ARAP1: variants seen among roughly 807,000 people sequenced by gnomAD.
ARAP1 encodes the protein arf-GAP with Rho-GAP domain, ANK repeat and PH domain-containing protein 1.
A neutral mutation model predicts 172.2 loss-of-function variants in ARAP1; 76 were observed. The observed-to-expected ratio is 0.44, with a 90% CI of 0.37 to 0.53. The LOEUF is 0.53. Among genes scored for constraint, ARAP1 ranks in the 20% least tolerant of loss-of-function variants. ARAP1 has a pLI of 0.00. For synonymous variants in ARAP1, 804 were observed against 803.3 expected (o/e 1.00, Z -0.01); for missense variants, 1,686 against 1,977.5 (o/e 0.85, Z 2.80).
intron 14 of ARAP1, 69 bp from the exon 15 acceptor site, chr11:72,703,148 G>A: frequency 7.1e-7 from 1 of 1,416,808 alleles, no homozygotes; most frequent in South Asian, 1.5e-5. Context: ...GGCTACGGGG[G>A]AGGAGAGGAA....
rs769919162 is a variant in ARAP1 at position 72,693,777 on chromosome 11, C to T, written c.3723G>A (p.Val1241=). Residue 1241 remains valine (V), a synonymous_variant, in exon 28 of 35, where the codon GTG becomes GTA. Coordinates refer to ENST00000393609, the MANE Select transcript of ARAP1 (RefSeq NM_001040118.3). The surrounding 1 kb of genome is among the most constrained non-coding windows in gnomAD (Gnocchi z 4.6). ...AERPLHFAEK[V]LPILHGLGTD... ...TGCCCAGCCCGTGCAGGATGGGCAGCACCTTCTCCGCAAAGTGCAGGGGGC... is the reference window on the plus strand; with the variant it reads ...TGCCCAGCCCGTGCAGGATGGGCAGTACCTTCTCCGCAAAGTGCAGGGGGC... The T allele has an allele frequency of 6.2e-7, 1 of 1,608,218 alleles. No homozygotes were observed. The highest frequency in any genetic ancestry group is 1.3e-5 in the African/African-American group (1 of 74,776).
In ARAP1 at chr11:72,697,935, G is replaced by T. The variant is rs1245416754; in HGVS notation, c.2713C>A (p.Gln905Lys). The change falls in exon 19 of 35, where the codon CAA becomes AAA. Residue 905 changes from glutamine (Q) to lysine (K), a missense_variant. Coordinates refer to ENST00000393609, the MANE Select transcript of ARAP1 (RefSeq NM_001040118.3). ...CAAAGCTCCTGCAGTTTCCGTAGTT[G>T]CAGCGGCTCTTCGCAGGGCCCCTCC... is the stretch of plus-strand genomic sequence containing the variant. ...FPEGPCEEPL[Q>K]LRKLQELSIQ... 6.2e-7 allele frequency: 1 copy of T among 1,607,416 alleles called. No individual in the cohort carries two copies. Among genetic ancestry groups the T allele is most frequent in the Non-Finnish European group, 8.5e-7 (1 of 1,176,568 alleles).
chr11:72,719,839 C>T (rs1857435589), intron 3 of ARAP1, among the ~76,000 whole-genome samples: 1 of 152,100 alleles, frequency 6.6e-6, no homozygotes, highest in Admixed American at 6.5e-5. Flanking sequence ...TACTTACAGG[C>T]CTTTAATACT....
chr11:72,690,235 A>G (rs183089998), intron 30 of ARAP1, among the ~76,000 whole-genome samples: 2 of 152,238 alleles, frequency 1.3e-5, no homozygotes, highest in Admixed American at 6.5e-5. Flanking sequence ...CGCAGAGGCA[A>G]CTGCAGGAAT....
rs1856383672 is a variant in ARAP1 at position 72,699,607 on chromosome 11, C to T, written c.2303-55G>A. 1.3e-6 allele frequency: 2 copies of T among 1,577,028 alleles called. No individual in the cohort carries two copies. The highest frequency in any genetic ancestry group is 4.7e-5 in the East Asian group (2 of 42,714). ...AGGGAGCCCCCCACCACCTGAAAACCACCTCTGCATCCTCCCGGGGCTCCT... is the reference window on the plus strand; with the variant it reads ...AGGGAGCCCCCCACCACCTGAAAACTACCTCTGCATCCTCCCGGGGCTCCT... On this transcript the variant is annotated intron_variant, in intron 16 of 34. Coordinates refer to ENST00000393609, the MANE Select transcript of ARAP1 (RefSeq NM_001040118.3). This position sits in a 1 kb window ranked among gnomAD's most constrained non-coding sequence, Gnocchi z 4.2.
At chr11:72,745,836 T>A (rs1453826457) in intron 1 of ARAP1, among the ~76,000 whole-genome samples, 2 of 152,154 alleles carry the variant, frequency 1.3e-5, no homozygotes, top group Non-Finnish European at 2.9e-5. Context: ...TGGGTTGTGC[T>A]TCTCTGAGGG....
In ARAP1 at chr11:72,699,297, C is replaced by A. The variant is rs138983684; in HGVS notation, c.2438+120G>T. 1.6e-4 allele frequency: 236 copies of A among 1,498,440 alleles called. 2 individuals are homozygous for A. In the African/African-American group the frequency reaches 2.9e-3, roughly 19 times the overall value. The allele number at this position is 1,498,440 out of a possible 1,614,324, so 92.8% of individuals were successfully genotyped here. A position where few individuals can be genotyped will look rare whatever the true frequency, so the allele number is the denominator to read the frequency against. On this transcript the variant is annotated intron_variant, in intron 17 of 34. Coordinates refer to ENST00000393609, the MANE Select transcript of ARAP1 (RefSeq NM_001040118.3). The surrounding 1 kb of genome is among the most constrained non-coding windows in gnomAD (Gnocchi z 4.2). The stretch of plus-strand genomic sequence containing the variant: ...GAGACTGGAGTCGGCCCTTGTGCAG[C>A]CTCCGTTTGCTGTGTGACTCTGCGG...
intron 6 of ARAP1, 28 bp from the exon 7 acceptor site, chr11:72,712,367 C>A (rs762927914): frequency 1.7e-5 from 25 of 1,486,206 alleles, no homozygotes; most frequent in South Asian, 4.0e-5. Flanking sequence ...GATGGGGGGC[C>A]GGGCTGAGGA....
At chr11:72,748,442 C>G (rs983919636) in intron 1 of ARAP1, among the ~76,000 whole-genome samples, 11 of 152,066 alleles carry the variant, frequency 7.2e-5, no homozygotes, top group African/African-American at 2.7e-4. Flanking sequence ...ATCGCTTGAA[C>G]CCGGGAGGCG....
At chr11:72,698,860 G>T in intron 18 of ARAP1, 145 bp downstream of exon 18, 2 of 833,038 alleles carry the variant, frequency 2.4e-6, no homozygotes, top group Non-Finnish European at 4.0e-6. Flanking sequence ...GTAGGCTCTT[G>T]GTGGGACAGG....
At chr11:72,692,431 A>T (rs1184912526) in intron 30 of ARAP1, among the ~76,000 whole-genome samples, 1 of 152,236 alleles carries the variant, frequency 6.6e-6, no homozygotes, top group East Asian at 1.9e-4. Context: ...TCCAGGGATG[A>T]CAGGAGATGA....
chr11:72,716,566 C>A (rs1460938796), intron 3 of ARAP1, among the ~76,000 whole-genome samples: 1 of 152,278 alleles, frequency 6.6e-6, no homozygotes, highest in African/African-American at 2.4e-5. Flanking sequence ...CTTTGAGCTT[C>A]GCTCAGTGTG....
At chr11:72,712,044 T>C (rs1857036999) in intron 7 of ARAP1, 152 bp downstream of exon 7, 4 of 1,120,118 alleles carry the variant, frequency 3.6e-6, no homozygotes, top group Non-Finnish European at 4.8e-6. Flanking sequence ...GAATCATCAG[T>C]GGTCACAGTG....
intron 13 of ARAP1, 189 bp from the exon 14 acceptor site, chr11:72,704,523 G>A: frequency 1.6e-6 from 1 of 615,452 alleles, no homozygotes. Flanking sequence ...CCAGCACTGG[G>A]CTCTGAGCCT....
intron 27 of ARAP1, among the ~76,000 whole-genome samples, 196 bp downstream of exon 27, chr11:72,694,784 A>G (rs1856103656): frequency 6.6e-6 from 1 of 152,176 alleles, no homozygotes; most frequent in African/African-American, 2.4e-5. Context: ...ATCTTCTATC[A>G]GCCACATGAC....
intron 22 of ARAP1, 51 bp downstream of exon 22, chr11:72,696,932 C>A (rs11602233): frequency 0.54 from 834,466 of 1,551,878 alleles, 225,490 homozygotes; most frequent in Non-Finnish European, 0.56. Context: ...CGCAGGAGTC[C>A]GGAGGGATGG....
At chr11:72,728,590 A>T (rs1857768522) in intron 2 of ARAP1, among the ~76,000 whole-genome samples, 2 of 152,224 alleles carry the variant, frequency 1.3e-5, no homozygotes, top group South Asian at 4.1e-4. Context: ...CAAAACAAAA[A>T]CAAAAACAAA....
At position 72,701,721 on chromosome 11, in the gene ARAP1, C is replaced by G. The variant is rs369488062; in HGVS notation, c.2230G>C (p.Val744Leu). The G allele has an allele frequency of 1.9e-6, 3 of 1,613,974 alleles. No homozygotes were observed. The East Asian group carries it at 6.7e-5, about 36-fold the overall frequency. The change falls in exon 16 of 35, where the codon GTG becomes CTG. Residue 744 changes from valine (V) to leucine (L), a missense_variant. Transcript: ENST00000393609. ...EKHYSVVLPT[V>L]SHSGFLYKTA... ...TTGTAGAGGAAGCCACTGTGGCTCA[C>G]GGTCGGCAGGACAACTGAGTAGTGC...
chr11:72,710,471 C>A lies in ARAP1; in HGVS notation c.1330G>T (p.Ala444Ser). ...AAGCCACGAAGCTCCAGGCTGCCAG[C>A]GCGGTCAGGCTGCTCTGAGCCTGGA... ...GVPGSEQPDR[A>S]GSLELRGFKN... is the part of the protein sequence containing the mutation. The change falls in exon 10 of 35, where the codon GCT becomes TCT. Residue 444 changes from alanine to serine, a missense_variant. By Grantham distance (99) the Ala-to-Ser change is moderately conservative. Coordinates refer to ENST00000393609, the MANE Select transcript of ARAP1 (RefSeq NM_001040118.3). The surrounding 1 kb of genome is among the most constrained non-coding windows in gnomAD (Gnocchi z 4.3). 1 of 1,614,082 alleles carries A rather than the reference C, an allele frequency of 6.2e-7. No homozygotes were observed. Among genetic ancestry groups the A allele is most frequent in the South Asian group, 1.1e-5 (1 of 91,080 alleles).
Sources: gnomAD v4.1 joint callset for allele counts (sites outside exome capture counted in the v4.1 genomes callset) on GRCh38, gnomAD v4.1.1 for gene constraint, Gnocchi (gnomAD v3.1) non-coding constraint, MANE v1.5 for transcripts, NCBI Gene and HGNC (gene_info 2026-07-23, HGNC 2026-07-21) for gene names.